CNTN4: variants seen among roughly 807,000 people sequenced by gnomAD.
CNTN4 encodes contactin 4.
CNTN4 carries 77 observed loss-of-function variants against 122.5 expected under a neutral mutation model. The ratio of observed to expected loss-of-function variants is 0.63; its 90% CI spans 0.52 to 0.76. CNTN4 has a LOEUF of 0.76. CNTN4 is among the 30% of genes least tolerant of loss of function. The pLI, the probability that CNTN4 is intolerant of heterozygous loss-of-function variation, is 0.00. For missense variants in CNTN4, 1,256 were observed against 1,259.1 expected (o/e 1.00, Z 0.04); for synonymous variants, 512 against 447.0 (o/e 1.15, Z -1.83).
chr3:2,611,290 C>A (rs2081472291), intron 4 of CNTN4, among the ~76,000 whole-genome samples: 1 of 35,916 alleles, frequency 2.8e-5, no homozygotes. Flanking sequence ...CTCACAGCAC[C>A]TGGAACCAAA....
At chr3:2,175,811 A>C (rs1258025051) in intron 2 of CNTN4, among the ~76,000 whole-genome samples, 1 of 152,188 alleles carries the variant, frequency 6.6e-6, no homozygotes, top group Non-Finnish European at 1.5e-5. Context: ...GAATGAGCAG[A>C]GTGATTGGAC....
chr3:3,027,670 A>G lies in CNTN4; in HGVS notation c.1662+1393A>G, dbSNP rs2125649064. 1.3e-5 allele frequency among the ~76,000 whole-genome samples: 2 copies of G among 152,340 alleles called. 1 individual carries two copies. Among genetic ancestry groups the G allele is most frequent in the Middle Eastern group, 6.8e-3 (2 of 294 alleles). On this transcript the variant is annotated intron_variant, in intron 15 of 24. Coordinates refer to ENST00000418658, the MANE Select transcript of CNTN4 (RefSeq NM_175607.3). ...AAATTAAGCAGAATGTTCTCACATT[A>G]AAACCAATTTCTTGGGCAGGAGAGA...
intron 4 of CNTN4, among the ~76,000 whole-genome samples, chr3:2,601,207 TA>T (rs2081029419): frequency 6.6e-6 from 1 of 152,220 alleles, no homozygotes; most frequent in African/African-American, 2.4e-5. Flanking sequence ...TTAGTTTAAT[TA>T]GATCCCATTT....
intron 13 of CNTN4, among the ~76,000 whole-genome samples, chr3:2,969,023 C>T (rs998598282): frequency 2.6e-5 from 4 of 151,666 alleles, no homozygotes; most frequent in African/African-American, 9.8e-5. Flanking sequence ...GTGTACAACG[C>T]AATGATTTTT....
chr3:2,216,212 A>G (rs1280441995), intron 2 of CNTN4, among the ~76,000 whole-genome samples: 1 of 152,236 alleles, frequency 6.6e-6, no homozygotes, highest in African/African-American at 2.4e-5. Flanking sequence ...GCCATAAAAA[A>G]GGATGAGATT....
intron 2 of CNTN4, among the ~76,000 whole-genome samples, chr3:2,129,906 C>A (rs2034370572): frequency 6.6e-6 from 1 of 152,032 alleles, no homozygotes. Context: ...GGCAGATAGA[C>A]ATGTTTCCTT....
At chr3:2,304,885 T>A (rs2042649008) in intron 2 of CNTN4, among the ~76,000 whole-genome samples, 1 of 151,560 alleles carries the variant, frequency 6.6e-6, no homozygotes, top group Admixed American at 6.6e-5. Context: ...ACATCAAATG[T>A]GTTATTTTTT....
chr3:2,331,988 GTAA>G (rs1171456465), intron 2 of CNTN4, among the ~76,000 whole-genome samples: 1 of 152,162 alleles, frequency 6.6e-6, no homozygotes, highest in Non-Finnish European at 1.5e-5. Context: ...TCCGTGGTAA[GTAA>G]AGCTCCAGTA....
intron 13 of CNTN4, among the ~76,000 whole-genome samples, chr3:2,955,072 G>T (rs562629827): frequency 2.0e-5 from 3 of 152,182 alleles, no homozygotes; most frequent in South Asian, 4.1e-4. Flanking sequence ...AGCTAAAGCA[G>T]AAATAGTCAA....
At chr3:2,560,272 C>T (rs891273808) in intron 3 of CNTN4, among the ~76,000 whole-genome samples, 1 of 151,870 alleles carries the variant, frequency 6.6e-6, no homozygotes, top group Non-Finnish European at 1.5e-5. Flanking sequence ...TCCTGAGTAG[C>T]TGGGACTACA....
chr3:2,780,149 A>G (rs2091510842), intron 6 of CNTN4, among the ~76,000 whole-genome samples: 1 of 152,224 alleles, frequency 6.6e-6, no homozygotes, highest in Non-Finnish European at 1.5e-5. Flanking sequence ...GAATAAGATA[A>G]AACTAGTTGT....
chr3:2,524,991 G>C (rs1348450699), intron 3 of CNTN4, among the ~76,000 whole-genome samples: 5 of 152,114 alleles, frequency 3.3e-5, no homozygotes, highest in African/African-American at 1.2e-4. Context: ...GTAAGGTTTT[G>C]AGCTTGTATT....
At chr3:2,705,260 C>T (rs891228755) in intron 4 of CNTN4, among the ~76,000 whole-genome samples, 3 of 146,832 alleles carry the variant, frequency 2.0e-5, no homozygotes, top group Non-Finnish European at 3.0e-5. Flanking sequence ...CCCAGCTACT[C>T]GGGAAGCTGA....
chr3:3,044,814 C>T (rs112125438), intron 23 of CNTN4, among the ~76,000 whole-genome samples: 2,661 of 152,328 alleles, frequency 0.017, 40 homozygotes, highest in Middle Eastern at 0.068. Context: ...GGCGAGGCAT[C>T]GCCTCACCTG....
chr3:2,486,076 C>T (rs1265579522), intron 3 of CNTN4, among the ~76,000 whole-genome samples: 3 of 152,162 alleles, frequency 2.0e-5, no homozygotes, highest in Non-Finnish European at 4.4e-5. Context: ...TCTGCAGCTT[C>T]TCTCCTGAGG....
intron 8 of CNTN4, among the ~76,000 whole-genome samples, chr3:2,873,975 G>C (rs1172093413): frequency 6.6e-6 from 1 of 152,162 alleles, no homozygotes; most frequent in Non-Finnish European, 1.5e-5. Flanking sequence ...TTAATTCTCT[G>C]ACAACATCGC....
intron 3 of CNTN4, among the ~76,000 whole-genome samples, chr3:2,383,785 CCTTT>C (rs2046125356): frequency 1.3e-5 from 2 of 150,514 alleles, no homozygotes; most frequent in Non-Finnish European, 3.0e-5. Context: ...CTTCCCTCTC[CCTTT>C]CTTTCCTCTC....
At chr3:2,800,665 G>A (rs1261775596) in intron 6 of CNTN4, among the ~76,000 whole-genome samples, 2 of 152,194 alleles carry the variant, frequency 1.3e-5, no homozygotes, top group Non-Finnish European at 2.9e-5. Flanking sequence ...GAAACCTGCA[G>A]TGGCTTCCAT....
intron 7 of CNTN4, among the ~76,000 whole-genome samples, chr3:2,848,846 T>C (rs1300160967): frequency 6.6e-6 from 1 of 152,176 alleles, no homozygotes; most frequent in South Asian, 2.1e-4. Flanking sequence ...TGGTGCTGGA[T>C]AGAAAATGCT....
Sources: allele counts gnomAD v4.1 joint callset (sites outside exome capture counted in the v4.1 genomes callset), GRCh38; gene constraint gnomAD v4.1.1; transcripts MANE v1.5; gene names NCBI Gene and HGNC (gene_info 2026-07-23, HGNC 2026-07-21).